The following RIPOR3 variants were observed in gnomAD, a reference collection of about 807,000 sequenced individuals.
The protein encoded by RIPOR3 is RIPOR family member 3.
Under a neutral mutation model 114.3 loss-of-function variants are expected in RIPOR3, and 95 were observed. The ratio of observed to expected loss-of-function variants is 0.83; its 90% confidence interval spans 0.70 to 0.99. The LOEUF is 0.99. RIPOR3 is among the 50% of genes least tolerant of loss of function. The probability of loss-of-function intolerance (pLI) is 0.00; values close to 1 mark genes in which losing one functional copy is unlikely to be tolerated. For synonymous variants in RIPOR3, 575 were observed against 543.8 expected (o/e 1.06, Z -0.80); for missense variants, 1,252 against 1,266.9 (o/e 0.99, Z 0.18).
rs148727951 is a variant in RIPOR3 at position 50,597,678 on chromosome 20, G to C, written c.1692C>G (p.Ala564=). The change falls in exon 14 of 22, where the codon GCC becomes GCG. Residue 564 remains alanine, a synonymous_variant. Coordinates refer to ENST00000327979, the MANE Select transcript of RIPOR3 (RefSeq NM_001290268.2). ...PCRARQEHTS[A]ESLMECILES... is the part of the protein sequence containing the mutation. ...CCAGGATGCACTCCATCAGGCTCTC[G>C]GCCGAGGTGTGCTCCTGCCGTGCTC... is the stretch of plus-strand genomic sequence containing the variant. The C allele has an allele frequency of 1.9e-6, 3 of 1,611,952 alleles. No individual in the cohort carries two copies. Among genetic ancestry groups the C allele is most frequent in the Non-Finnish European group, 1.7e-6 (2 of 1,179,170 alleles).
rs956501971 is a variant in RIPOR3 at position 50,586,865 on chromosome 20, T to A, written c.*367A>T. The A allele has an allele frequency of 1.9e-5, 4 of 209,638 alleles. No homozygotes were observed. The highest frequency in any genetic ancestry group is 3.9e-5 in the Non-Finnish European group (4 of 102,404). 13.0% of individuals were successfully genotyped at this position (209,638 alleles called of 1,614,324 possible). ...AGCGAGGCCTGGAGTTCTACACACT[T>A]GCCTTGGAGCCTTTTATTTAGGGCC... On this transcript the variant is annotated 3_prime_UTR_variant, in exon 22 of 22. Transcript: ENST00000327979.
chr20:50,647,598 T>G (rs530895275), intron 1 of RIPOR3, among the ~76,000 whole-genome samples: 9 of 146,290 alleles, frequency 6.2e-5, no homozygotes, highest in African/African-American at 2.3e-4. Context: ...TTCTCCTGCC[T>G]CAGCCTCCCA....
At chr20:50,587,610 A>G (rs1239524882) in intron 21 of RIPOR3, among the ~76,000 whole-genome samples, 192 bp downstream of exon 21, 2 of 152,080 alleles carry the variant, frequency 1.3e-5, no homozygotes, top group Non-Finnish European at 2.9e-5. Context: ...CTGCCACCCC[A>G]GCCATGGAGG....
At position 50,661,080 on chromosome 20, in the gene RIPOR3, A is replaced by T. The variant is rs1175605469; in HGVS notation, c.3+30046T>A. ...TGGTGAAAACCTGTCTCTATTAAAA[A>T]TACAAAAATTAGCTGGGCGTGGTGG... On this transcript the variant is annotated intron_variant, in intron 1 of 21. Coordinates refer to ENST00000327979, the MANE Select transcript of RIPOR3 (RefSeq NM_001290268.2). Among the ~76,000 whole-genome samples, 8 of 152,146 alleles carry T rather than the reference A, an allele frequency of 5.3e-5. No homozygotes were observed. The East Asian group carries it at 1.5e-3, about 29-fold the overall frequency.
intron 1 of RIPOR3, among the ~76,000 whole-genome samples, chr20:50,638,163 C>T (rs1341495268): frequency 6.6e-6 from 1 of 152,234 alleles, no homozygotes; most frequent in East Asian, 1.9e-4. Flanking sequence ...CAGGAGGGGA[C>T]ACCCAAGGTG....
intron 18 of RIPOR3, 47 bp downstream of exon 18, chr20:50,592,988 C>A: frequency 6.2e-7 from 1 of 1,603,676 alleles, no homozygotes; most frequent in Non-Finnish European, 8.5e-7. Flanking sequence ...TGTGACAGGG[C>A]TCCGTGGATA....
chr20:50,597,546 CCACTGGGT>C, intron 14 of RIPOR3, 26 bp downstream of exon 14: 1 of 1,581,806 alleles, frequency 6.3e-7, no homozygotes, highest in Non-Finnish European at 8.6e-7. Context: ...GGAGTGGTGG[CCACTGGGT>C]CACTGCTGGA....
intron 1 of RIPOR3, 64 bp downstream of exon 1, chr20:50,691,062 C>G: frequency 7.8e-7 from 1 of 1,289,428 alleles, no homozygotes; most frequent in Non-Finnish European, 1.0e-6. Flanking sequence ...ACCCCCAGCT[C>G]CAGAAGTCTG....
At chr20:50,675,693 C>A (rs570159453) in intron 1 of RIPOR3, among the ~76,000 whole-genome samples, 2 of 152,208 alleles carry the variant, frequency 1.3e-5, no homozygotes, top group Non-Finnish European at 2.9e-5. Flanking sequence ...TCATCTGACT[C>A]CAATGCCAAC....
In RIPOR3 at chr20:50,586,398, C is replaced by G. The variant is rs1191306515; in HGVS notation, c.*834G>C. 6.6e-6 allele frequency: 1 copy of G among 152,306 alleles called. No individual in the cohort carries two copies. The highest frequency in any genetic ancestry group is 1.5e-5 in the Non-Finnish European group (1 of 68,156). The allele number at this position is 152,306 out of a possible 1,614,324, so 9.4% of individuals were successfully genotyped here. A position where few individuals can be genotyped will look rare whatever the true frequency, so the allele number is the denominator to read the frequency against. ...AAGCAATTGCGTTCTTCAGTGAACT[C>G]TTTCTTTAGGCCAGTTGATGGCTTC... On this transcript the variant is annotated 3_prime_UTR_variant, in exon 22 of 22. Coordinates refer to ENST00000327979, the MANE Select transcript of RIPOR3 (RefSeq NM_001290268.2).
chr20:50,671,682 G>A (rs1319371438), intron 1 of RIPOR3, among the ~76,000 whole-genome samples: 1 of 152,210 alleles, frequency 6.6e-6, no homozygotes, highest in Non-Finnish European at 1.5e-5. Flanking sequence ...CACCATACAG[G>A]CTAATTGTGA....
chr20:50,633,327 G>A (rs763029695), intron 1 of RIPOR3, among the ~76,000 whole-genome samples: 3 of 152,222 alleles, frequency 2.0e-5, no homozygotes, highest in Non-Finnish European at 4.4e-5. Context: ...TTGTGAGCCT[G>A]TTGACATCAC....
chr20:50,630,049 C>T (rs962598479), intron 2 of RIPOR3, among the ~76,000 whole-genome samples: 2 of 151,786 alleles, frequency 1.3e-5, no homozygotes, highest in African/African-American at 4.8e-5. Context: ...TACACTGCAA[C>T]CTCCACCTCC....
At chr20:50,599,319 G>A (rs1481103420) in intron 13 of RIPOR3, among the ~76,000 whole-genome samples, 1 of 152,010 alleles carries the variant, frequency 6.6e-6, no homozygotes, top group Non-Finnish European at 1.5e-5. Context: ...TTGAACCCAG[G>A]AGGTGGAGGT....
chr20:50,606,432 C>T (rs960853426), intron 11 of RIPOR3, among the ~76,000 whole-genome samples: 2 of 152,178 alleles, frequency 1.3e-5, no homozygotes, highest in Non-Finnish European at 2.9e-5. Context: ...CCCCGTCTCC[C>T]CACACTGAGT....
At chr20:50,678,471 C>T (rs73121790) in intron 1 of RIPOR3, among the ~76,000 whole-genome samples, 9,053 of 152,232 alleles carry the variant, frequency 0.059, 288 homozygotes, top group African/African-American at 0.079. Context: ...TATCTCTCCT[C>T]GTTCTGCAGG....
intron 2 of RIPOR3, among the ~76,000 whole-genome samples, chr20:50,623,260 TAAAAA>T (rs57108911): frequency 8.8e-6 from 1 of 113,268 alleles, no homozygotes; most frequent in African/African-American, 2.8e-5. Flanking sequence ...AACTCTGCCT[TAAAAA>T]AAAAAAAAAA....
At chr20:50,636,850 T>C in intron 1 of RIPOR3, 1 of 985,470 alleles carries the variant, frequency 1.0e-6, no homozygotes, top group Non-Finnish European at 1.2e-6. Context: ...GAACCTGCAA[T>C]TTCACCTCAT....
chr20:50,608,494 G>A lies in RIPOR3; in HGVS notation c.851C>T (p.Ala284Val), dbSNP rs1194070577. ...LRGLGSLAVGAVTCDIADFFT... is the reference protein window; with the variant it reads ...LRGLGSLAVGVVTCDIADFFT... ...GAAGTCGGCGATGTCACACGTCACT[G>A]CACCCACAGCCAGCGAGCCCAGGCC... Residue 284 changes from alanine (A) to valine (V), a missense_variant, in exon 11 of 22, where the codon GCA becomes GTA. By Grantham distance (64) the Ala-to-Val change is moderately conservative (BLOSUM62 0). Transcript: ENST00000327979. 6.2e-7 allele frequency: 1 copy of A among 1,613,776 alleles called. No individual in the cohort carries two copies. Among genetic ancestry groups the A allele is most frequent in the Non-Finnish European group, 8.5e-7 (1 of 1,179,930 alleles).
Sources: gnomAD v4.1 joint callset for allele counts (sites outside exome capture counted in the v4.1 genomes callset) on GRCh38, gnomAD v4.1.1 for gene constraint, MANE v1.5 for transcripts, NCBI Gene and HGNC (gene_info 2026-07-23, HGNC 2026-07-21) for gene names.